Variants in CYTH1 observed in about 807,000 individuals in gnomAD.
The protein encoded by CYTH1 is cytohesin 1.
CYTH1 carries 18 observed loss-of-function variants against 61.8 expected under a neutral mutation model. The ratio of observed to expected loss-of-function variants is 0.29; its 90% CI spans 0.20 to 0.43. CYTH1 has a LOEUF of 0.43. Among genes scored for constraint, CYTH1 ranks in the 20% least tolerant of loss-of-function variants. The pLI is 1.00. For synonymous variants in CYTH1, 174 were observed against 184.3 expected (o/e 0.94, Z 0.45); for missense variants, 336 against 510.5 (o/e 0.66, Z 3.29).
At chr17:78,695,857 T>G in intron 10 of CYTH1, 150 bp downstream of exon 10, 1 of 1,178,682 alleles carries the variant, frequency 8.5e-7, no homozygotes, top group South Asian at 1.5e-5. Context: ...TCCTGACCAG[T>G]TCCCTAGGGA....
chr17:78,765,042 G>A lies in CYTH1; in HGVS notation c.22+17160C>T, dbSNP rs59175061. Among the ~76,000 whole-genome samples, 623 of 152,232 alleles carry A rather than the reference G, an allele frequency of 4.1e-3. 6 individuals carry two copies. The highest frequency in any genetic ancestry group is 0.014 in the African/African-American group (585 of 41,528). On this transcript the variant is annotated intron_variant, in intron 1 of 13. Coordinates refer to ENST00000446868, the MANE Select transcript of CYTH1 (RefSeq NM_004762.6). ...AGAGAGTGCGGGAACTGAGCATGAG[G>A]TTATTTGGAGGAAAAGCATCCCTAG... is the stretch of plus-strand genomic sequence containing the variant.
chr17:78,763,258 G>A (rs897922684), intron 1 of CYTH1, among the ~76,000 whole-genome samples: 1 of 150,730 alleles, frequency 6.6e-6, no homozygotes, highest in Non-Finnish European at 1.5e-5. Context: ...CAGGAGAATC[G>A]CTTAAACCTA....
chr17:78,770,186 T>C (rs1186631001), intron 1 of CYTH1, among the ~76,000 whole-genome samples: 2 of 149,704 alleles, frequency 1.3e-5, no homozygotes, highest in South Asian at 2.1e-4. Context: ...TAGCCAGGCA[T>C]GGTGGCGGGT....
intron 5 of CYTH1, 68 bp downstream of exon 5, chr17:78,702,054 G>T: frequency 7.8e-7 from 1 of 1,287,096 alleles, no homozygotes; most frequent in Non-Finnish European, 1.1e-6. Flanking sequence ...AGAGTATTTG[G>T]GAGTTTGTTT....
chr17:78,766,087 G>GAAAAAAAAAAAAAAAAAAAAAAAAAAAA lies in CYTH1; in HGVS notation c.22+16114_22+16115insTTTTTTTTTTTTTTTTTTTTTTTTTTTT, dbSNP rs59673666. 3.0e-5 allele frequency among the ~76,000 whole-genome samples: 2 copies of GAAAAAAAAAAAAAAAAAAAAAAAAAAAA among 65,682 alleles called. 1 individual carries two copies. Among genetic ancestry groups the GAAAAAAAAAAAAAAAAAAAAAAAAAAAA allele is most frequent in the African/African-American group, 1.3e-4 (2 of 15,146 alleles). The allele number at this position is 65,682 out of a possible 152,430, so 43.1% of individuals were successfully genotyped here. On this transcript the variant is annotated intron_variant, in intron 1 of 13. Coordinates refer to ENST00000446868, the MANE Select transcript of CYTH1 (RefSeq NM_004762.6). ...AACATAGTGAGATCCCATCTCTACA[G>GAAAAAAAAAAAAAAAAAAAAAAAAAAAA]AAAAAAAAAAAAAAAAAAAAAAGCC...
At chr17:78,772,412 G>C (rs2093474990) in intron 1 of CYTH1, among the ~76,000 whole-genome samples, 1 of 152,176 alleles carries the variant, frequency 6.6e-6, no homozygotes. Flanking sequence ...AACTGATCGT[G>C]AATGCAAGAA....
intron 1 of CYTH1, among the ~76,000 whole-genome samples, chr17:78,722,096 G>A (rs141621563): frequency 6.8e-4 from 103 of 152,158 alleles, no homozygotes; most frequent in African/African-American, 2.2e-3. Context: ...ATAAATCCTA[G>A]AACTCAAAGA....
intron 11 of CYTH1, among the ~76,000 whole-genome samples, chr17:78,681,661 G>A (rs1443341908): frequency 6.6e-6 from 1 of 152,030 alleles, no homozygotes; most frequent in East Asian, 1.9e-4. Context: ...TCCAGCACAC[G>A]CCTGACGGCA....
chr17:78,723,536 G>C (rs1337551617), intron 1 of CYTH1: 1 of 152,384 alleles, frequency 6.6e-6, no homozygotes, highest in African/African-American at 2.4e-5. Context: ...GACGCGCAGA[G>C]CTGCAGCCCT....
chr17:78,772,410 G>A (rs979345762), intron 1 of CYTH1, among the ~76,000 whole-genome samples: 9 of 152,136 alleles, frequency 5.9e-5, no homozygotes, highest in Admixed American at 4.6e-4. Flanking sequence ...CTAACTGATC[G>A]TGAATGCAAG....
intron 1 of CYTH1, among the ~76,000 whole-genome samples, chr17:78,734,229 G>C (rs1464041578): frequency 1.3e-5 from 2 of 150,364 alleles, no homozygotes; most frequent in African/African-American, 4.9e-5. Context: ...GCAACAGAGC[G>C]AGACTCTGTC....
In CYTH1 at chr17:78,700,813, C is replaced by T. The variant is rs1439080379; in HGVS notation, c.438-370G>A. Among the ~76,000 whole-genome samples the T allele has an allele frequency of 1.3e-5, 2 of 152,134 alleles. No individual in the cohort carries two copies. Among genetic ancestry groups the T allele is most frequent in the Non-Finnish European group, 2.9e-5 (2 of 68,022 alleles). ...GTGCTGGGAGTACAGGTGTGAGCCA[C>T]GGTGCCTGACCACTGCCAATGATTT... On this transcript the variant is annotated intron_variant, in intron 6 of 13. Coordinates refer to ENST00000446868, the MANE Select transcript of CYTH1 (RefSeq NM_004762.6). The surrounding 1 kb of genome is among the most constrained non-coding windows in gnomAD (Gnocchi z 5.1).
At position 78,700,396 on chromosome 17, in the gene CYTH1, T is replaced by G; in HGVS notation, c.485A>C (p.Asp162Ala). The G allele has an allele frequency of 1.2e-6, 2 of 1,613,782 alleles. No homozygotes were observed. Among genetic ancestry groups the G allele is most frequent in the Non-Finnish European group, 1.7e-6 (2 of 1,179,804 alleles). ...CTGGGCAAACGCCTCCATCATCCGG[T>G]CGATCTTCTGGGCCTCTCCGGGTAG... ...FRLPGEAQKIDRMMEAFAQRY... is the reference protein window; with the variant it reads ...FRLPGEAQKIARMMEAFAQRY... The change falls in exon 7 of 14, where the codon GAC becomes GCC. Residue 162 changes from aspartate to alanine, a missense_variant. Asp to Ala is a moderately radical substitution (Grantham distance 126). Coordinates refer to ENST00000446868, the MANE Select transcript of CYTH1 (RefSeq NM_004762.6). The surrounding 1 kb of genome is among the most constrained non-coding windows in gnomAD (Gnocchi z 5.1).
chr17:78,677,140 C>T (rs983873631), intron 13 of CYTH1: 38 of 451,346 alleles, frequency 8.4e-5, no homozygotes, highest in Middle Eastern at 3.3e-4. Flanking sequence ...AAACATGTCC[C>T]GATGGGATCT....
intron 5 of CYTH1, 24 bp downstream of exon 5, chr17:78,702,098 T>C (rs376683322): frequency 2.2e-5 from 34 of 1,547,758 alleles, no homozygotes; most frequent in African/African-American, 4.1e-5. Context: ...TTCCCTAGCA[T>C]GCGCATAATC....
intron 1 of CYTH1, among the ~76,000 whole-genome samples, chr17:78,729,084 AG>A (rs1260682989): frequency 6.6e-6 from 1 of 152,170 alleles, no homozygotes; most frequent in African/African-American, 2.4e-5. Flanking sequence ...CATATGACAA[AG>A]GGTTAATATC....
In CYTH1 at chr17:78,702,559, T is replaced by C. The variant is rs150846966; in HGVS notation, c.216A>G (p.Lys72=). The change falls in exon 4 of 14, where the codon AAA becomes AAG. Residue 72 remains lysine, a synonymous_variant. Transcript: ENST00000446868. ...TTACCTTTTTAGGGTCCATATTAAA[T>C]TTTTTCCTGCCCATGGCTACCTGTT... ...RNKQVAMGRK[K]FNMDPKKGIQ... 4.3e-6 allele frequency: 7 copies of C among 1,614,128 alleles called. No homozygotes were observed. The highest frequency in any genetic ancestry group is 4.2e-6 in the Non-Finnish European group (5 of 1,180,028).
At chr17:78,698,168 AACACGCAC>A in intron 9 of CYTH1, 93 bp downstream of exon 9, 2 of 983,544 alleles carry the variant, frequency 2.0e-6, no homozygotes, top group Non-Finnish European at 3.2e-6. Context: ...CACACGCACA[AACACGCAC>A]ACGCGCACAC....
intron 1 of CYTH1, among the ~76,000 whole-genome samples, chr17:78,729,422 T>A (rs2093282003): frequency 6.6e-6 from 1 of 152,210 alleles, no homozygotes; most frequent in Admixed American, 6.5e-5. Context: ...ATGTGTTTAA[T>A]GCAAATTAAA....
Sources: allele counts gnomAD v4.1 joint callset (sites outside exome capture counted in the v4.1 genomes callset), GRCh38; gene constraint gnomAD v4.1.1; non-coding constraint Gnocchi (gnomAD v3.1); transcripts MANE v1.5; gene names NCBI Gene and HGNC (gene_info 2026-07-23, HGNC 2026-07-21).